Variants in CDKAL1 observed in about 807,000 individuals in gnomAD.
CDKAL1 encodes the protein threonylcarbamoyladenosine tRNA methylthiotransferase.
CDKAL1 carries 32 observed loss-of-function variants against 68.2 expected under a neutral mutation model. The observed-to-expected ratio is 0.47, with a 90% CI of 0.35 to 0.63. The LOEUF is 0.63. CDKAL1 is among the 30% of genes least tolerant of loss of function. The pLI is 0.00. For synonymous variants in CDKAL1, 234 were observed against 244.3 expected (o/e 0.96, Z 0.39); for missense variants, 606 against 696.7 (o/e 0.87, Z 1.47).
At chr6:21,130,825 G>T (rs556451759) in intron 13 of CDKAL1, among the ~76,000 whole-genome samples, 31 of 152,304 alleles carry the variant, frequency 2.0e-4, no homozygotes, top group Non-Finnish European at 4.1e-4. Flanking sequence ...GAGTACAGTG[G>T]CTAGGGTTGG....
At chr6:21,174,594 A>T (rs1777509369) in intron 13 of CDKAL1, among the ~76,000 whole-genome samples, 1 of 152,210 alleles carries the variant, frequency 6.6e-6, no homozygotes, top group African/African-American at 2.4e-5. Flanking sequence ...GTCAACAATT[A>T]AAAAATGTTA....
intron 4 of CDKAL1, among the ~76,000 whole-genome samples, chr6:20,584,475 C>T (rs1191278150): frequency 6.6e-6 from 1 of 152,128 alleles, no homozygotes; most frequent in Non-Finnish European, 1.5e-5. Context: ...ACACAACCCT[C>T]CTGCCCCATC....
intron 5 of CDKAL1, among the ~76,000 whole-genome samples, chr6:20,701,750 T>C (rs571987992): frequency 6.6e-6 from 1 of 152,192 alleles, no homozygotes; most frequent in African/African-American, 2.4e-5. Context: ...GTAAATATCC[T>C]ATGTACCTGG....
intron 11 of CDKAL1, among the ~76,000 whole-genome samples, chr6:21,027,090 A>T (rs1477358973): frequency 2.0e-5 from 3 of 152,092 alleles, no homozygotes; most frequent in East Asian, 3.9e-4. Context: ...TCTCCCAGCC[A>T]TAACCCTACC....
chr6:20,749,330 G>A (rs1317945338), intron 6 of CDKAL1, among the ~76,000 whole-genome samples: 1 of 152,032 alleles, frequency 6.6e-6, no homozygotes, highest in Non-Finnish European at 1.5e-5. Flanking sequence ...TTACCACTGT[G>A]TCCCTAATTG....
chr6:20,555,717 G>A (rs893743721), intron 4 of CDKAL1, among the ~76,000 whole-genome samples: 1 of 141,198 alleles, frequency 7.1e-6, no homozygotes, highest in African/African-American at 2.6e-5. Context: ...CCGCCTTCCA[G>A]GTTCACACCA....
At position 20,952,902 on chromosome 6, in the gene CDKAL1, A is replaced by G. The variant is rs570768638; in HGVS notation, c.743-2517A>G. Among the ~76,000 whole-genome samples, 10 of 152,354 alleles carry G rather than the reference A, an allele frequency of 6.6e-5. No individual in the cohort carries two copies. The South Asian group carries it at 2.1e-3, about 32-fold the overall frequency. On this transcript the variant is annotated intron_variant, in intron 9 of 15. Transcript: ENST00000274695. The stretch of plus-strand genomic sequence containing the variant: ...GTAATGACTTCCATATCCTATTTGA[A>G]GGATCCATTCTCATTAGGATTCTTC...
At chr6:20,796,448 T>C (rs1554122435) in intron 8 of CDKAL1, among the ~76,000 whole-genome samples, 1 of 152,186 alleles carries the variant, frequency 6.6e-6, no homozygotes, top group Non-Finnish European at 1.5e-5. Context: ...TGAATACAAA[T>C]TCCAGTAAGA....
chr6:21,082,508 T>C (rs191708724), intron 12 of CDKAL1, among the ~76,000 whole-genome samples: 1 of 152,360 alleles, frequency 6.6e-6, no homozygotes, highest in African/African-American at 2.4e-5. Flanking sequence ...CTTCATTCTT[T>C]CTTATTGGTC....
chr6:20,807,356 T>G lies in CDKAL1; in HGVS notation c.638+26091T>G, dbSNP rs566668136. On this transcript the variant is annotated intron_variant, in intron 8 of 15. Transcript: ENST00000274695. ...CACCTGCCTCAGCCTCCCGAGTAGC[T>G]GGCACTACAGGCGCATGCCACCACG... Among the ~76,000 whole-genome samples the G allele has an allele frequency of 7.9e-5, 12 of 152,312 alleles. No individual in the cohort carries two copies. The East Asian group carries it at 2.1e-3, about 27-fold the overall frequency.
At position 21,112,252 on chromosome 6, in the gene CDKAL1, G is replaced by A. The variant is rs1582221321; in HGVS notation, c.1299+3789G>A. Among the ~76,000 whole-genome samples the A allele has an allele frequency of 2.6e-5, 4 of 152,220 alleles. No individual in the cohort carries two copies. The South Asian group carries it at 8.3e-4, about 32-fold the overall frequency. On this transcript the variant is annotated intron_variant, in intron 13 of 15. Coordinates refer to ENST00000274695, the MANE Select transcript of CDKAL1 (RefSeq NM_017774.3). Reference sequence around the variant, plus strand: ...TTTTGTTAGATTTTATCAGAATTATGTGTTTAGGGGGAAATCTAGGTTTAT... The same window carrying A: ...TTTTGTTAGATTTTATCAGAATTATATGTTTAGGGGGAAATCTAGGTTTAT...
chr6:20,549,876 GGATTACAGGTGT>G (rs1763748656), intron 4 of CDKAL1, among the ~76,000 whole-genome samples: 1 of 152,058 alleles, frequency 6.6e-6, no homozygotes, highest in South Asian at 2.1e-4. Flanking sequence ...CAAAGTGCGG[GGATTACAGGTGT>G]GAGCCACTGC....
intron 9 of CDKAL1, among the ~76,000 whole-genome samples, chr6:20,950,281 C>T (rs907741621): frequency 3.9e-5 from 6 of 152,022 alleles, no homozygotes; most frequent in Admixed American, 6.5e-5. Context: ...TGTGCCACCA[C>T]GCCCGGCTAA....
At chr6:20,867,163 C>T (rs1160165454) in intron 9 of CDKAL1, among the ~76,000 whole-genome samples, 1 of 152,142 alleles carries the variant, frequency 6.6e-6, no homozygotes, top group East Asian at 1.9e-4. Context: ...GATGAGGGAG[C>T]TTAGCCAGCA....
intron 2 of CDKAL1, among the ~76,000 whole-genome samples, chr6:20,538,965 T>C (rs1001566596): frequency 1.6e-4 from 25 of 152,216 alleles, no homozygotes; most frequent in African/African-American, 6.0e-4. Context: ...CAAGCTTACA[T>C]TGTAATGAGG....
rs538821857 is a variant in CDKAL1, at chr6:20,616,371, C to T, written c.287-32922C>T. On this transcript the variant is annotated intron_variant, in intron 4 of 15. Transcript: ENST00000274695. ...CATTGAATCTGTAAATTACCTTGGG[C>T]AGTATGGCCATTTTCACGATATTGA... Among the ~76,000 whole-genome samples the T allele has an allele frequency of 6.2e-3, 895 of 145,382 alleles. 9 individuals are homozygous for T. The highest frequency in any genetic ancestry group is 0.022 in the African/African-American group (853 of 39,332).
At chr6:20,586,269 C>T (rs1765351646) in intron 4 of CDKAL1, among the ~76,000 whole-genome samples, 2 of 152,318 alleles carry the variant, frequency 1.3e-5, no homozygotes, top group Admixed American at 6.5e-5. Flanking sequence ...AGAGATTCTT[C>T]GAAACCTAAG....
intron 10 of CDKAL1, among the ~76,000 whole-genome samples, chr6:20,980,372 A>G (rs1049992388): frequency 6.6e-6 from 1 of 151,618 alleles, no homozygotes; most frequent in African/African-American, 2.4e-5. Context: ...AGAGTAGCTG[A>G]GACTACAGGC....
At chr6:20,973,987 T>C (rs920361308) in intron 10 of CDKAL1, among the ~76,000 whole-genome samples, 1 of 152,216 alleles carries the variant, frequency 6.6e-6, no homozygotes, top group Non-Finnish European at 1.5e-5. Context: ...TGTGAAGTAT[T>C]ATATAGAAAA....
Sources: allele counts gnomAD v4.1 joint callset (sites outside exome capture counted in the v4.1 genomes callset), GRCh38; gene constraint gnomAD v4.1.1; transcripts MANE v1.5; gene names NCBI Gene and HGNC (gene_info 2026-07-23, HGNC 2026-07-21).